The following LARGE1 variants were observed in gnomAD, a reference collection of about 807,000 sequenced individuals.
The protein encoded by LARGE1 is xylosyl- and glucuronyltransferase LARGE1.
In LARGE1, 43 loss-of-function variants were observed where a neutral mutation model predicts 87.6. The observed-to-expected ratio is 0.49, with a 90% confidence interval of 0.38 to 0.63. LARGE1 has a LOEUF of 0.63. Among genes scored for constraint, LARGE1 ranks in the 30% least tolerant of loss-of-function variants. LARGE1 has a pLI of 0.00. For missense variants in LARGE1, 802 were observed against 1,000.2 expected (o/e 0.80, Z 2.67); for synonymous variants, 434 against 394.6 (o/e 1.10, Z -1.18).
chr22:33,819,471 T>C (rs1040117874), intron 1 of LARGE1, among the ~76,000 whole-genome samples: 2 of 152,112 alleles, frequency 1.3e-5, no homozygotes, highest in Non-Finnish European at 1.5e-5. Context: ...CCAGCAGGCC[T>C]GTGGCTATCC....
the LARGE1 span, among the ~76,000 whole-genome samples, chr22:33,083,313 T>C: frequency 6.6e-6 from 1 of 152,204 alleles, no homozygotes; most frequent in Non-Finnish European, 1.5e-5. Flanking sequence ...TCACTTGTTG[T>C]AATTTTGGGC....
intron 2 of LARGE1, among the ~76,000 whole-genome samples, chr22:33,661,807 T>C (rs1203421404): frequency 6.6e-6 from 1 of 152,080 alleles, no homozygotes; most frequent in African/African-American, 2.4e-5. Flanking sequence ...TTAATTGGAC[T>C]GCATCAGAAT....
chr22:33,455,564 C>A (rs1311219533), intron 6 of LARGE1, among the ~76,000 whole-genome samples: 1 of 151,880 alleles, frequency 6.6e-6, no homozygotes. Flanking sequence ...ACCAGCATGG[C>A]CAACATAGTG....
chr22:33,591,851 A>G (rs865942728), intron 5 of LARGE1, among the ~76,000 whole-genome samples: 1 of 148,636 alleles, frequency 6.7e-6, no homozygotes, highest in African/African-American at 2.5e-5. Flanking sequence ...CCAAAAAAAA[A>G]AAAAAAATTT....
chr22:33,549,308 G>A (rs1235223624), intron 6 of LARGE1, among the ~76,000 whole-genome samples: 2 of 152,018 alleles, frequency 1.3e-5, no homozygotes, highest in Non-Finnish European at 2.9e-5. Flanking sequence ...GCATTTAGGA[G>A]GAAAAAAAAG....
chr22:33,693,810 C>T (rs1174059602), intron 2 of LARGE1, among the ~76,000 whole-genome samples: 3 of 150,984 alleles, frequency 2.0e-5, no homozygotes, highest in South Asian at 2.1e-4. Flanking sequence ...GGCAACGGGG[C>T]GAGACTCTGT....
intron 11 of LARGE1, among the ~76,000 whole-genome samples, chr22:33,217,902 A>C (rs1461407648): frequency 1.3e-5 from 2 of 151,834 alleles, no homozygotes; most frequent in Admixed American, 6.6e-5. Flanking sequence ...TACAGGTGTG[A>C]GCCACTGCAA....
intron 11 of LARGE1, among the ~76,000 whole-genome samples, chr22:33,185,763 T>G (rs73881979): frequency 0.03 from 4,589 of 152,214 alleles, 95 homozygotes; most frequent in Admixed American, 0.057. Context: ...GTCTGTTCTT[T>G]GAAGAAATTC....
In LARGE1 at chr22:33,537,784, G is replaced by C. The variant is rs529183373; in HGVS notation, c.787+27064C>G. ...GACAGGGTTTCACTATACTGGCCAG[G>C]CTGGTCTCAAACTCCTGACCTCGTG... On this transcript the variant is annotated intron_variant, in intron 6 of 14. Coordinates refer to ENST00000397394, the MANE Select transcript of LARGE1 (RefSeq NM_133642.5). 5.9e-4 allele frequency among the ~76,000 whole-genome samples: 90 copies of C among 152,132 alleles called. 2 individuals carry two copies. The South Asian group carries it at 0.012, about 20-fold the overall frequency.
At chr22:33,539,922 C>G (rs2077145882) in intron 6 of LARGE1, among the ~76,000 whole-genome samples, 1 of 152,090 alleles carries the variant, frequency 6.6e-6, no homozygotes, top group South Asian at 2.1e-4. Context: ...AAAATATGGG[C>G]TTTGAAGTTC....
intron 9 of LARGE1, among the ~76,000 whole-genome samples, chr22:33,366,685 G>A (rs1039187019): frequency 2.0e-5 from 3 of 152,030 alleles, no homozygotes; most frequent in South Asian, 2.1e-4. Context: ...TTCGTCTTCC[G>A]CCATGATTGT....
intron 1 of LARGE1, among the ~76,000 whole-genome samples, chr22:33,768,826 A>G (rs1373611361): frequency 6.6e-6 from 1 of 152,188 alleles, no homozygotes; most frequent in Non-Finnish European, 1.5e-5. Context: ...AACAGCCATT[A>G]GCATCAGCTG....
At chr22:33,296,709 C>T (rs781188408) in intron 12 of LARGE1, among the ~76,000 whole-genome samples, 4 of 151,952 alleles carry the variant, frequency 2.6e-5, no homozygotes, top group African/African-American at 4.8e-5. Context: ...GCTGGGATTA[C>T]AGGCATGCAC....
In LARGE1 at chr22:33,481,220, TACACAC is replaced by T. The variant is rs71785834; in HGVS notation, c.788-48961_788-48956del. Among the ~76,000 whole-genome samples the T allele has an allele frequency of 3.3e-3, 479 of 146,700 alleles. 3 individuals are homozygous for T. The highest frequency in any genetic ancestry group is 0.021 in the South Asian group (99 of 4,658). On this transcript the variant is annotated intron_variant, in intron 6 of 14. Transcript: ENST00000397394. ...CCTTTATTATCATTGGCACTATAGA[TACACAC>T]ACACACACACACACACACGTACACA...
chr22:33,858,295 C>G (rs975743225), intron 1 of LARGE1, among the ~76,000 whole-genome samples: 1 of 152,126 alleles, frequency 6.6e-6, no homozygotes, highest in African/African-American at 2.4e-5. Flanking sequence ...CTGTGGCAAA[C>G]AGCAATGGTG....
chr22:33,851,810 C>T (rs2063591020), intron 1 of LARGE1, among the ~76,000 whole-genome samples: 1 of 152,192 alleles, frequency 6.6e-6, no homozygotes, highest in Non-Finnish European at 1.5e-5. Flanking sequence ...GATGACGTAG[C>T]TTCCTAATTT....
intron 2 of LARGE1, among the ~76,000 whole-genome samples, chr22:33,751,531 A>C (rs1662599990): frequency 6.6e-6 from 1 of 151,880 alleles, no homozygotes; most frequent in Non-Finnish European, 1.5e-5. Flanking sequence ...AAATTAAATT[A>C]TTAGCAGCAT....
At chr22:33,533,462 G>A (rs16992492) in intron 6 of LARGE1, among the ~76,000 whole-genome samples, 1 of 151,940 alleles carries the variant, frequency 6.6e-6, no homozygotes, top group Non-Finnish European at 1.5e-5. Flanking sequence ...AGGCTGCCTC[G>A]ATTGGCATAC....
intron 10 of LARGE1, among the ~76,000 whole-genome samples, chr22:33,324,456 G>A (rs1932724996): frequency 6.6e-6 from 1 of 151,994 alleles, no homozygotes; most frequent in Admixed American, 6.6e-5. Flanking sequence ...ACTGCCACAG[G>A]GAACAGAGGG....
Sources: gnomAD v4.1 joint callset for allele counts (sites outside exome capture counted in the v4.1 genomes callset) on GRCh38, gnomAD v4.1.1 for gene constraint, MANE v1.5 for transcripts, NCBI Gene and HGNC (gene_info 2026-07-23, HGNC 2026-07-21) for gene names.